CMSS1: variants seen among roughly 807,000 people sequenced by gnomAD.
CMSS1 encodes the protein cms1 ribosomal small subunit homolog.
Under a neutral mutation model 43.5 loss-of-function variants are expected in CMSS1, and 33 were observed. That is an observed-to-expected ratio of 0.76 (90% confidence interval 0.57 to 1.01). The LOEUF (loss-of-function observed/expected upper bound fraction) is 1.01. Ranked by LOEUF, CMSS1 falls within the 50% of genes least tolerant of loss-of-function variation. CMSS1 has a pLI of 0.00. For missense variants in CMSS1, 313 were observed against 326.4 expected, an observed-to-expected ratio of 0.96 and a Z score of 0.32; for synonymous variants, 115 against 117.2, an observed-to-expected ratio of 0.98 and a Z score of 0.12.
chr3:99,873,508 T>C (rs1053439940), intron 1 of CMSS1, among the ~76,000 whole-genome samples: 3 of 152,064 alleles, frequency 2.0e-5, no homozygotes, highest in Non-Finnish European at 4.4e-5. Flanking sequence ...GGGCTGTATG[T>C]TTTTTTTCTA....
At chr3:100,073,379 AG>A (rs2065793482) in intron 1 of CMSS1, among the ~76,000 whole-genome samples, 1 of 152,240 alleles carries the variant, frequency 6.6e-6, no homozygotes, top group African/African-American at 2.4e-5. Flanking sequence ...GGCCCAGGAC[AG>A]CAAAATGAAG....
chr3:99,818,881 C>G (rs994602351), intron 1 of CMSS1, among the ~76,000 whole-genome samples: 5 of 152,222 alleles, frequency 3.3e-5, no homozygotes, highest in African/African-American at 1.2e-4. Flanking sequence ...CCCCCCATGT[C>G]AGGCTAGCCT....
chr3:99,967,165 C>T (rs941671730), intron 1 of CMSS1, among the ~76,000 whole-genome samples: 1 of 152,222 alleles, frequency 6.6e-6, no homozygotes, highest in Non-Finnish European at 1.5e-5. Context: ...ATATAATAAG[C>T]AAAGGACTCT....
intron 1 of CMSS1, among the ~76,000 whole-genome samples, chr3:100,067,500 G>C (rs755612942): frequency 2.0e-5 from 3 of 152,088 alleles, no homozygotes; most frequent in Non-Finnish European, 4.4e-5. Context: ...GTGTTTTTCA[G>C]GTGAAATCTG....
At chr3:100,045,331 G>C (rs569246304) in intron 1 of CMSS1, among the ~76,000 whole-genome samples, 48 of 152,304 alleles carry the variant, frequency 3.2e-4, no homozygotes, top group African/African-American at 1.2e-3. Context: ...CTATGTCTAG[G>C]AAAATCTCAC....
intron 1 of CMSS1, among the ~76,000 whole-genome samples, chr3:100,137,809 G>T (rs1384781757): frequency 1.3e-5 from 2 of 152,086 alleles, no homozygotes; most frequent in Non-Finnish European, 2.9e-5. Flanking sequence ...CTCATGGTCT[G>T]CCTGTCTCGG....
chr3:99,922,649 G>C (rs1707160847), intron 1 of CMSS1, among the ~76,000 whole-genome samples: 1 of 152,118 alleles, frequency 6.6e-6, no homozygotes, highest in Non-Finnish European at 1.5e-5. Context: ...ATTTGAGATT[G>C]GTTACTTTCC....
intron 1 of CMSS1, among the ~76,000 whole-genome samples, chr3:100,016,385 A>G (rs1409715337): frequency 6.6e-6 from 1 of 152,104 alleles, no homozygotes; most frequent in Non-Finnish European, 1.5e-5. Flanking sequence ...GAGGCAGGGT[A>G]TCTCCATGTT....
chr3:99,887,368 G>A (rs1705936003), intron 1 of CMSS1, among the ~76,000 whole-genome samples: 1 of 152,204 alleles, frequency 6.6e-6, no homozygotes, highest in Non-Finnish European at 1.5e-5. Context: ...TTCCAGGAAG[G>A]AGAATGGTGG....
At chr3:100,162,565 T>C in intron 4 of CMSS1, 133 bp downstream of exon 4, 1 of 923,152 alleles carries the variant, frequency 1.1e-6, no homozygotes. Flanking sequence ...CCCAGCACTT[T>C]GGGAGACTGA....
At chr3:99,951,560 T>C (rs1344010491) in intron 1 of CMSS1, among the ~76,000 whole-genome samples, 1 of 152,178 alleles carries the variant, frequency 6.6e-6, no homozygotes, top group African/African-American at 2.4e-5. Flanking sequence ...CTCTGTGAGA[T>C]AGTAGACTAA....
chr3:100,091,644 T>C (rs987957667), intron 1 of CMSS1, among the ~76,000 whole-genome samples: 3 of 152,244 alleles, frequency 2.0e-5, no homozygotes, highest in African/African-American at 7.2e-5. Context: ...CCACATAATC[T>C]TTTTATCTGC....
chr3:100,147,549 A>C (rs2066864616), intron 2 of CMSS1, among the ~76,000 whole-genome samples: 1 of 152,144 alleles, frequency 6.6e-6, no homozygotes, highest in East Asian at 1.9e-4. Context: ...CTGGGATTAC[A>C]GGTGTGAGCC....
intron 1 of CMSS1, among the ~76,000 whole-genome samples, chr3:99,854,297 C>G (rs1444730090): frequency 6.6e-6 from 1 of 152,098 alleles, no homozygotes; most frequent in African/African-American, 2.4e-5. Flanking sequence ...CAGGATTTAG[C>G]ATTGATACTT....
At chr3:100,000,512 G>C (rs905424056) in intron 1 of CMSS1, among the ~76,000 whole-genome samples, 3 of 152,136 alleles carry the variant, frequency 2.0e-5, no homozygotes, top group Non-Finnish European at 4.4e-5. Context: ...GTAAAAACGG[G>C]TGAAAATTTG....
chr3:100,173,382 C>CT, intron 8 of CMSS1, among the ~76,000 whole-genome samples: 1 of 152,138 alleles, frequency 6.6e-6, no homozygotes, highest in African/African-American at 2.4e-5. Flanking sequence ...ACAGGCTAGC[C>CT]TTTTTATTTT....
chr3:100,157,373 TTTTC>T (rs1189787299), intron 2 of CMSS1, among the ~76,000 whole-genome samples: 1 of 152,136 alleles, frequency 6.6e-6, no homozygotes, highest in Non-Finnish European at 1.5e-5. Flanking sequence ...CTAGGTTCAT[TTTTC>T]TTTTTGTTAT....
chr3:99,917,257 T>G (rs1281630348), intron 1 of CMSS1, among the ~76,000 whole-genome samples: 1 of 152,194 alleles, frequency 6.6e-6, no homozygotes, highest in Non-Finnish European at 1.5e-5. Context: ...GCAACAGTGG[T>G]GTCTGTGCCA....
chr3:100,052,498 T>C (rs917017983), intron 1 of CMSS1, among the ~76,000 whole-genome samples: 3 of 152,204 alleles, frequency 2.0e-5, no homozygotes, highest in Non-Finnish European at 2.9e-5. Context: ...ATTTGTGTTA[T>C]TATTGTGGTT....
Sources: gnomAD v4.1 joint callset for allele counts (sites outside exome capture counted in the v4.1 genomes callset) on GRCh38, gnomAD v4.1.1 for gene constraint, MANE v1.5 for transcripts, NCBI Gene and HGNC (gene_info 2026-07-23, HGNC 2026-07-21) for gene names.